Variants in GMDS observed in about 807,000 individuals in gnomAD.
The protein encoded by GMDS is GDP-mannose 4,6 dehydratase.
A neutral mutation model predicts 49.9 loss-of-function variants in GMDS; 20 were observed. The ratio of observed to expected loss-of-function variants is 0.40; its 90% CI spans 0.28 to 0.58. GMDS has a LOEUF of 0.58. GMDS is among the 20% of genes least tolerant of loss of function. The probability of loss-of-function intolerance (pLI) is 0.42; values close to 1 mark genes in which losing one functional copy is unlikely to be tolerated. For missense variants in GMDS, 362 were observed against 481.4 expected, an observed-to-expected ratio of 0.75 and a Z score of 2.32; for synonymous variants, 177 against 178.6, an observed-to-expected ratio of 0.99 and a Z score of 0.07.
At chr6:1,852,863 C>T (rs1232525091) in intron 7 of GMDS, among the ~76,000 whole-genome samples, 5 of 152,040 alleles carry the variant, frequency 3.3e-5, no homozygotes, top group East Asian at 3.9e-4. Context: ...TGCGCCACCA[C>T]GCCCGGCTAA....
intron 7 of GMDS, among the ~76,000 whole-genome samples, chr6:1,764,950 T>C (rs1768291979): frequency 6.6e-6 from 1 of 152,194 alleles, no homozygotes; most frequent in Admixed American, 6.5e-5. Context: ...AGCTGTCTTT[T>C]TTTCTGAGTA....
intron 7 of GMDS, among the ~76,000 whole-genome samples, chr6:1,832,560 C>G (rs192226116): frequency 6.6e-6 from 1 of 152,144 alleles, no homozygotes; most frequent in Admixed American, 6.5e-5. Context: ...GCCCATTACA[C>G]AAGCAGTAAC....
rs376987215 is a variant in GMDS, at chr6:1,972,760, G to A, written c.346-11794C>T. 2.7e-4 allele frequency among the ~76,000 whole-genome samples: 41 copies of A among 152,288 alleles called. No homozygotes were observed. The South Asian group carries it at 7.9e-3, about 29-fold the overall frequency. ...ACACGACTATACAGTCGCCGCAGAT[G>A]CCTGGAGGCATCACTTCTGCCCATC... On this transcript the variant is annotated intron_variant, in intron 4 of 10. Coordinates refer to ENST00000380815, the MANE Select transcript of GMDS (RefSeq NM_001500.4).
chr6:2,049,769 T>C (rs78368861), intron 4 of GMDS, among the ~76,000 whole-genome samples: 4 of 152,194 alleles, frequency 2.6e-5, no homozygotes, highest in Non-Finnish European at 4.4e-5. Flanking sequence ...AACCTGCTCC[T>C]GAATGACCAC....
At chr6:2,122,294 T>C (rs1466976015) in intron 2 of GMDS, among the ~76,000 whole-genome samples, 1 of 152,176 alleles carries the variant, frequency 6.6e-6, no homozygotes, top group African/African-American at 2.4e-5. Flanking sequence ...GAAAGAACAA[T>C]TCCCAGATCC....
chr6:1,939,584 C>CATATATAT (rs1561907550), intron 6 of GMDS, among the ~76,000 whole-genome samples: 2 of 145,316 alleles, frequency 1.4e-5, no homozygotes, highest in Non-Finnish European at 3.0e-5. Flanking sequence ...CATATATATA[C>CATATATAT]ACACACACAC....
At chr6:2,178,751 G>C (rs1044650878) in intron 1 of GMDS, among the ~76,000 whole-genome samples, 2 of 152,148 alleles carry the variant, frequency 1.3e-5, no homozygotes, top group Non-Finnish European at 2.9e-5. Context: ...AACATAGCTG[G>C]CATTAAGTCA....
rs961097105 is a variant in GMDS at position 1,987,783 on chromosome 6, T to C, written c.346-26817A>G. ...GAAGAAGCAGTTGTAGTCTACTTCA[T>C]AGTAATTTAAGTTTGAAATTTGCCA... On this transcript the variant is annotated intron_variant, in intron 4 of 10. Coordinates refer to ENST00000380815, the MANE Select transcript of GMDS (RefSeq NM_001500.4). 5.3e-5 allele frequency among the ~76,000 whole-genome samples: 8 copies of C among 152,228 alleles called. 1 individual carries two copies. The highest frequency in any genetic ancestry group is 8.8e-5 in the Non-Finnish European group (6 of 68,044).
At position 2,144,842 on chromosome 6, in the gene GMDS, G is replaced by A. The variant is rs115334435; in HGVS notation, c.103-20111C>T. ...ATAGTGACTGCACAAAGTAAGGCCA[G>A]GTAGGAGACACAATGAAGGCCTCTG... is the stretch of plus-strand genomic sequence containing the variant. On this transcript the variant is annotated intron_variant, in intron 1 of 10. Transcript: ENST00000380815. 5.7e-3 allele frequency among the ~76,000 whole-genome samples: 862 copies of A among 152,280 alleles called. 2 individuals are homozygous for A. Among genetic ancestry groups the A allele is most frequent in the Middle Eastern group, 0.017 (5 of 294 alleles).
At chr6:1,955,782 A>G (rs890084865) in intron 6 of GMDS, among the ~76,000 whole-genome samples, 1 of 152,138 alleles carries the variant, frequency 6.6e-6, no homozygotes, top group African/African-American at 2.4e-5. Flanking sequence ...AAAAAAAAGA[A>G]AAAGAAAGAA....
chr6:1,872,349 T>A (rs532379756), intron 7 of GMDS, among the ~76,000 whole-genome samples: 1 of 152,376 alleles, frequency 6.6e-6, no homozygotes, highest in East Asian at 1.9e-4. Flanking sequence ...GCCTATGACT[T>A]GCATGATGTC....
intron 8 of GMDS, among the ~76,000 whole-genome samples, chr6:1,739,500 G>A (rs571871700): frequency 6.6e-6 from 1 of 152,386 alleles, no homozygotes; most frequent in Admixed American, 6.5e-5. Flanking sequence ...CATTCAAACA[G>A]TGGACTTTCA....
intron 7 of GMDS, among the ~76,000 whole-genome samples, chr6:1,901,771 A>G (rs1185237457): frequency 1.3e-5 from 2 of 152,142 alleles, no homozygotes; most frequent in East Asian, 3.8e-4. Flanking sequence ...AGCTCATCCT[A>G]TGTGCTTGTT....
intron 7 of GMDS, among the ~76,000 whole-genome samples, chr6:1,926,606 A>G (rs916857731): frequency 6.6e-6 from 1 of 152,256 alleles, no homozygotes; most frequent in Non-Finnish European, 1.5e-5. Flanking sequence ...TTAAACAAAC[A>G]ATACCTCTCC....
chr6:1,835,256 G>C (rs1462327951), intron 7 of GMDS, among the ~76,000 whole-genome samples: 1 of 152,200 alleles, frequency 6.6e-6, no homozygotes, highest in South Asian at 2.1e-4. Context: ...CACAGGGACA[G>C]ATCACTGGGA....
chr6:2,139,247 T>C (rs1193388604), intron 1 of GMDS, among the ~76,000 whole-genome samples: 1 of 152,214 alleles, frequency 6.6e-6, no homozygotes, highest in Non-Finnish European at 1.5e-5. Flanking sequence ...CTAATGATAA[T>C]GTACTTGCAT....
intron 7 of GMDS, among the ~76,000 whole-genome samples, chr6:1,780,663 C>A (rs753972400): frequency 6.6e-6 from 1 of 152,230 alleles, no homozygotes; most frequent in Non-Finnish European, 1.5e-5. Context: ...ATCCTCTGCC[C>A]GTCTCCTGCC....
At chr6:1,675,380 G>GAAAGAC (rs1034881722) in intron 9 of GMDS, among the ~76,000 whole-genome samples, 2 of 150,058 alleles carry the variant, frequency 1.3e-5, no homozygotes, top group Non-Finnish European at 3.0e-5. Flanking sequence ...TGTCACTTGT[G>GAAAGAC]AAAGACAAAG....
At chr6:2,048,134 T>C (rs894171953) in intron 4 of GMDS, among the ~76,000 whole-genome samples, 1 of 152,238 alleles carries the variant, frequency 6.6e-6, no homozygotes, top group Non-Finnish European at 1.5e-5. Flanking sequence ...AACCTCATCA[T>C]TCAAACTGCA....
Sources: allele counts gnomAD v4.1 joint callset (sites outside exome capture counted in the v4.1 genomes callset), GRCh38; gene constraint gnomAD v4.1.1; transcripts MANE v1.5; gene names NCBI Gene and HGNC (gene_info 2026-07-23, HGNC 2026-07-21).